Variants in ARID5B observed in about 807,000 individuals in gnomAD.
The protein encoded by ARID5B is AT-rich interaction domain 5B, also known as AT-rich interactive domain-containing protein 5B.
In ARID5B, 13 loss-of-function variants were observed where a neutral mutation model predicts 97.2. The ratio of observed to expected loss-of-function variants is 0.13; its 90% CI spans 0.09 to 0.21. The LOEUF (loss-of-function observed/expected upper bound fraction) is 0.21. Among genes scored for constraint, ARID5B ranks in the 10% least tolerant of loss-of-function variants. ARID5B has a pLI of 1.00. For missense variants in ARID5B, 1,210 were observed against 1,465.3 expected (o/e 0.83, Z 2.84); for synonymous variants, 556 against 570.3 (o/e 0.97, Z 0.36).
rs1024067083 is a variant in ARID5B, at chr10:61,968,211, CACAA to C, written c.502+27807_502+27810del. Among the ~76,000 whole-genome samples the C allele has an allele frequency of 2.0e-4, 30 of 148,950 alleles. No homozygotes were observed. In the South Asian group the frequency reaches 2.8e-3, roughly 14 times the overall value. On this transcript the variant is annotated intron_variant, in intron 3 of 9. Coordinates refer to ENST00000279873, the MANE Select transcript of ARID5B (RefSeq NM_032199.3). ...ATACACACACACACACACACACACA[CACAA>C]ACACAGTTTCACCAGGCAGTACTTA...
intron 3 of ARID5B, among the ~76,000 whole-genome samples, chr10:61,967,190 C>G (rs529071594): frequency 3.9e-5 from 6 of 152,264 alleles, no homozygotes; most frequent in African/African-American, 1.4e-4. Context: ...GAGAAGGCTT[C>G]TATAACTTTA....
Position 62,095,352 on chromosome 10 carries a change from T to G in ARID5B, c.*2322T>G, listed in dbSNP as rs926795605. Reference sequence around the variant, plus strand: ...CAGACATGGGCTAGGTCATATGTGGTTTCTATGAGTTCGTGTCTCAAAAAA... The same window carrying G: ...CAGACATGGGCTAGGTCATATGTGGGTTCTATGAGTTCGTGTCTCAAAAAA... On this transcript the variant is annotated 3_prime_UTR_variant, in exon 10 of 10. Coordinates refer to ENST00000279873, the MANE Select transcript of ARID5B (RefSeq NM_032199.3). 3.0e-5 allele frequency: 7 copies of G among 233,144 alleles called. No individual in the cohort carries two copies. Among genetic ancestry groups the G allele is most frequent in the Middle Eastern group, 1.2e-3 (1 of 806 alleles). The allele number at this position is 233,144 out of a possible 1,614,324, so 14.4% of individuals were successfully genotyped here.
intron 3 of ARID5B, among the ~76,000 whole-genome samples, chr10:61,979,487 G>A (rs2132843597): frequency 6.6e-6 from 1 of 152,206 alleles, no homozygotes; most frequent in African/African-American, 2.4e-5. Flanking sequence ...AAACACTAAC[G>A]TCATCACTCC....
intron 7 of ARID5B, 75 bp downstream of exon 7, chr10:62,059,370 C>A: frequency 8.1e-7 from 1 of 1,228,792 alleles, no homozygotes; most frequent in Non-Finnish European, 1.2e-6. Flanking sequence ...AAATGGAGAA[C>A]ATGCAAGGGC....
rs754978773 is a variant in ARID5B, at chr10:62,092,535, A to G, written c.3072A>G (p.Ala1024=). 6.2e-7 allele frequency: 1 copy of G among 1,614,174 alleles called. No homozygotes were observed. Among genetic ancestry groups the G allele is most frequent in the Non-Finnish European group, 8.5e-7 (1 of 1,180,018 alleles). The part of the protein sequence containing the change: ...RSLEDLDLVI[A]GKKARAVSPL... Reference sequence around the variant, plus strand: ...TGGAGGATTTGGACCTTGTGATTGCAGGGAAAAAGGCCCGGGCAGTGTCTC... The same window carrying G: ...TGGAGGATTTGGACCTTGTGATTGCGGGGAAAAAGGCCCGGGCAGTGTCTC... The change falls in exon 10 of 10, where the codon GCA becomes GCG. Residue 1024 remains alanine (A), a synonymous_variant. Coordinates refer to ENST00000279873, the MANE Select transcript of ARID5B (RefSeq NM_032199.3).
chr10:62,069,623 T>A, intron 7 of ARID5B, 77 bp from the exon 8 acceptor site: 1 of 1,275,530 alleles, frequency 7.8e-7, no homozygotes, highest in African/African-American at 1.5e-5. Flanking sequence ...CTCTTCTGAC[T>A]GTTGCATATG....
At chr10:61,942,915 C>A (rs1844436968) in intron 3 of ARID5B, among the ~76,000 whole-genome samples, 1 of 152,152 alleles carries the variant, frequency 6.6e-6, no homozygotes, top group Non-Finnish European at 1.5e-5. Context: ...AAATGATCAA[C>A]AGGAGAGTTG....
intron 4 of ARID5B, among the ~76,000 whole-genome samples, chr10:62,020,513 A>G (rs1197162068): frequency 6.6e-6 from 1 of 152,206 alleles, no homozygotes; most frequent in East Asian, 1.9e-4. Flanking sequence ...CACAATGGGC[A>G]AAATGAGCTC....
chr10:61,928,388 C>A (rs1844144510), intron 2 of ARID5B, among the ~76,000 whole-genome samples: 1 of 152,174 alleles, frequency 6.6e-6, no homozygotes, highest in African/African-American at 2.4e-5. Context: ...GCAGCCTCAA[C>A]TTCCTGGGCT....
Position 61,996,251 on chromosome 10 carries a change from T to C in ARID5B, c.503-3840T>C, listed in dbSNP as rs865875830. On this transcript the variant is annotated intron_variant, in intron 3 of 9. Transcript: ENST00000279873. ...GGAGAGTAGAATTCTGGCTTCCAACTGGCTGAATTCTACAGTCTTACATCA... is the reference window on the plus strand; with the variant it reads ...GGAGAGTAGAATTCTGGCTTCCAACCGGCTGAATTCTACAGTCTTACATCA... Among the ~76,000 whole-genome samples the C allele has an allele frequency of 4.6e-5, 7 of 152,314 alleles. No homozygotes were observed. In the South Asian group the frequency reaches 1.5e-3, roughly 32 times the overall value.
intron 6 of ARID5B, 100 bp downstream of exon 6, chr10:62,057,418 T>A (rs1589277827): frequency 1.7e-6 from 2 of 1,192,996 alleles, no homozygotes; most frequent in East Asian, 4.8e-5. Context: ...AATCCTAATC[T>A]GGGGATAGTG....
chr10:62,010,360 C>T (rs940823707), intron 4 of ARID5B, among the ~76,000 whole-genome samples: 1 of 152,202 alleles, frequency 6.6e-6, no homozygotes, highest in Non-Finnish European at 1.5e-5. Context: ...TTTTCCCCCT[C>T]TGCCTGTTAT....
In ARID5B at chr10:61,904,588, G is replaced by A. The variant is rs182207029; in HGVS notation, c.276+2175G>A. On this transcript the variant is annotated intron_variant, in intron 2 of 9. Transcript: ENST00000279873. ...TGCCATTTAAAAGTAAACTCTAGGG[G>A]GTTTGCGGAGGGAGATGGCTCTATT... 9.2e-3 allele frequency among the ~76,000 whole-genome samples: 1,398 copies of A among 152,252 alleles called. 16 individuals are homozygous for A. Among genetic ancestry groups the A allele is most frequent in the Admixed American group, 0.017 (257 of 15,300 alleles).
intron 3 of ARID5B, among the ~76,000 whole-genome samples, chr10:61,968,006 T>C (rs1283646824): frequency 6.6e-6 from 1 of 151,670 alleles, no homozygotes; most frequent in Admixed American, 6.6e-5. Flanking sequence ...CATTAAGCCT[T>C]GGATTTTTAG....
At chr10:61,936,612 G>A (rs963634824) in intron 2 of ARID5B, among the ~76,000 whole-genome samples, 15 of 152,154 alleles carry the variant, frequency 9.9e-5, no homozygotes, top group African/African-American at 1.7e-4. Context: ...GTGAGACTCC[G>A]TCTCAAATAA....
In ARID5B at chr10:62,096,887, A is replaced by G. The variant is rs1390675081; in HGVS notation, c.*3857A>G. ...TTCCCAATCACATAGCAGGCAAGAG[A>G]TATTTTGTACTTTTTGATCCACTGT... On this transcript the variant is annotated 3_prime_UTR_variant, in exon 10 of 10. Coordinates refer to ENST00000279873, the MANE Select transcript of ARID5B (RefSeq NM_032199.3). The G allele has an allele frequency of 4.3e-6, 1 of 233,262 alleles. No individual in the cohort carries two copies. The highest frequency in any genetic ancestry group is 8.5e-6 in the Non-Finnish European group (1 of 117,912). 14.4% of individuals were successfully genotyped at this position (233,262 alleles called of 1,614,324 possible).
Position 61,902,302 on chromosome 10 carries a change from G to A in ARID5B, c.165G>A (p.Ala55=). 1 of 1,614,060 alleles carries A rather than the reference G, an allele frequency of 6.2e-7. No homozygotes were observed. The highest frequency in any genetic ancestry group is 1.1e-5 in the South Asian group (1 of 91,078). ...RCTPKDPICI[A]ELQLLWEERT... ...CGCCAAAGGATCCGATTTGCATAGCGGAGCTCCAGCTGTTGTGGGAAGAGA... is the reference window on the plus strand; with the variant it reads ...CGCCAAAGGATCCGATTTGCATAGCAGAGCTCCAGCTGTTGTGGGAAGAGA... The change falls in exon 2 of 10, where the codon GCG becomes GCA. Residue 55 remains alanine (A), a synonymous_variant. Coordinates refer to ENST00000279873, the MANE Select transcript of ARID5B (RefSeq NM_032199.3).
intron 2 of ARID5B, among the ~76,000 whole-genome samples, chr10:61,934,488 A>C (rs1844264081): frequency 6.6e-6 from 1 of 152,140 alleles, no homozygotes; most frequent in African/African-American, 2.4e-5. Context: ...ATTTAAAGGG[A>C]GAGGCATGGG....
rs116093190 is a variant in ARID5B at position 62,071,820 on chromosome 10, C to A, written c.1199+2023C>A. ...TTCTCTTCTCTCCCTATTCTTGGGA[C>A]CAGATTGGATATTCCATAAAGGTTT... On this transcript the variant is annotated intron_variant, in intron 8 of 9. Coordinates refer to ENST00000279873, the MANE Select transcript of ARID5B (RefSeq NM_032199.3). Among the ~76,000 whole-genome samples the A allele has an allele frequency of 2.7e-3, 413 of 152,226 alleles. 3 individuals are homozygous for A. The highest frequency in any genetic ancestry group is 9.6e-3 in the African/African-American group (397 of 41,540).
Sources: gnomAD v4.1 joint callset for allele counts (sites outside exome capture counted in the v4.1 genomes callset) on GRCh38, gnomAD v4.1.1 for gene constraint, MANE v1.5 for transcripts, NCBI Gene and HGNC (gene_info 2026-07-23, HGNC 2026-07-21) for gene names.